NCKAP5L: variants seen among roughly 807,000 people sequenced by gnomAD.
The protein encoded by NCKAP5L is NCK associated protein 5 like, also known as nck-associated protein 5-like.
In NCKAP5L, 54 loss-of-function variants were observed where a neutral mutation model predicts 103.2. The observed-to-expected ratio is 0.52, with a 90% CI of 0.42 to 0.66. NCKAP5L has a LOEUF of 0.66. Among genes scored for constraint, NCKAP5L ranks in the 30% least tolerant of loss-of-function variants. The probability of loss-of-function intolerance (pLI) is 0.00; values close to 1 mark genes in which losing one functional copy is unlikely to be tolerated. For missense variants in NCKAP5L, 1,733 were observed against 1,750.6 expected (o/e 0.99, Z 0.18); for synonymous variants, 762 against 748.6 (o/e 1.02, Z -0.29).
intron 1 of NCKAP5L, among the ~76,000 whole-genome samples, chr12:49,817,626 G>A (rs1946313418): frequency 6.6e-6 from 1 of 152,032 alleles, no homozygotes; most frequent in African/African-American, 2.4e-5. Flanking sequence ...ACAGATACTA[G>A]ATGAATGGTT....
chr12:49,802,919 G>C (rs1946135984), intron 5 of NCKAP5L, 39 bp downstream of exon 5: 1 of 1,597,746 alleles, frequency 6.3e-7, no homozygotes, highest in Admixed American at 1.7e-5. Flanking sequence ...CTCATCTGCT[G>C]TGCCCAGGGC....
chr12:49,819,218 G>C (rs149151908), intron 1 of NCKAP5L, among the ~76,000 whole-genome samples: 3 of 151,808 alleles, frequency 2.0e-5, no homozygotes, highest in African/African-American at 7.3e-5. Context: ...AGGCCGAGGC[G>C]GGAGAATAGC....
At position 49,803,006 on chromosome 12, in the gene NCKAP5L, G is replaced by C. The variant is rs375945044; in HGVS notation, c.193-10C>G. The C allele has an allele frequency of 2.7e-4, 433 of 1,614,248 alleles. 3 individuals are homozygous for C. In the African/African-American group the frequency reaches 5.1e-3, roughly 19 times the overall value. Reference sequence around the variant, plus strand: ...CCACATGGTTGGCAACCTGGGGACAGAAAGCCCCGAGGCAGAGCCATCAGC... The same window carrying C: ...CCACATGGTTGGCAACCTGGGGACACAAAGCCCCGAGGCAGAGCCATCAGC... On this transcript the variant is annotated splice_polypyrimidine_tract_variant and intron_variant, in intron 4 of 12. Transcript: ENST00000335999.
chr12:49,820,757 G>A (rs539307239), intron 1 of NCKAP5L, among the ~76,000 whole-genome samples: 8 of 152,318 alleles, frequency 5.3e-5, no homozygotes, highest in South Asian at 2.1e-4. Flanking sequence ...TCAGCTCTAC[G>A]CTGGGAGGAG....
At position 49,794,971 on chromosome 12, in the gene NCKAP5L, G is replaced by T; in HGVS notation, c.2889C>A (p.Ala963=). Residue 963 remains alanine, a synonymous_variant, in exon 8 of 13, where the codon GCC becomes GCA. Transcript: ENST00000335999. ...EVKMEARKLE[A]ESLNISKLMA... is the part of the protein sequence containing the mutation. ...TCAGCTTGGAGATGTTGAGGCTCTC[G>T]GCCTCCAGCTTCCGGGCTTCCATCT... The T allele has an allele frequency of 1.3e-6, 2 of 1,588,784 alleles. No individual in the cohort carries two copies. Among genetic ancestry groups the T allele is most frequent in the Non-Finnish European group, 8.6e-7 (1 of 1,168,390 alleles).
At position 49,815,151 on chromosome 12, in the gene NCKAP5L, T is replaced by C. The variant is rs149099709; in HGVS notation, c.-98-9110A>G. Among the ~76,000 whole-genome samples the C allele has an allele frequency of 2.6e-5, 4 of 152,358 alleles. No individual in the cohort carries two copies. In the East Asian group the frequency reaches 7.7e-4, roughly 29 times the overall value. ...CCATTATAAAGTCACTATTTTTCCT[T>C]TTGTAATTAAATATTTTTGGGGGCA... is the stretch of plus-strand genomic sequence containing the variant. On this transcript the variant is annotated intron_variant, in intron 1 of 12. Coordinates refer to ENST00000335999, the MANE Select transcript of NCKAP5L (RefSeq NM_001037806.4).
chr12:49,796,060 G>A lies in NCKAP5L; in HGVS notation c.1800C>T (p.Ser600=), dbSNP rs969787600. Residue 600 remains serine, a synonymous_variant, in exon 8 of 13, where the codon AGC becomes AGT. Transcript: ENST00000335999. ...EVPQAPEVLR[S]PGVPPSPCLP... is the part of the protein sequence containing the mutation. ...GGCAAGGACTGGGGGGTACTCCAGG[G>A]CTTCTGAGGACCTCAGGGGCCTGTG... 5.7e-6 allele frequency: 9 copies of A among 1,579,480 alleles called. No individual in the cohort carries two copies. The highest frequency in any genetic ancestry group is 3.7e-5 in the Admixed American group (2 of 53,572).
At chr12:49,814,237 C>A (rs905908074) in intron 1 of NCKAP5L, among the ~76,000 whole-genome samples, 2 of 149,828 alleles carry the variant, frequency 1.3e-5, no homozygotes, top group African/African-American at 2.4e-5. Context: ...GTAACCCCAG[C>A]GCTTTGGGAG....
At position 49,804,096 on chromosome 12, in the gene NCKAP5L, A is replaced by G; in HGVS notation, c.-36-16T>C. 6.3e-7 allele frequency: 1 copy of G among 1,598,912 alleles called. No homozygotes were observed. The highest frequency in any genetic ancestry group is 8.5e-7 in the Non-Finnish European group (1 of 1,177,980). On this transcript the variant is annotated splice_polypyrimidine_tract_variant and intron_variant, in intron 2 of 12. Coordinates refer to ENST00000335999, the MANE Select transcript of NCKAP5L (RefSeq NM_001037806.4). The stretch of plus-strand genomic sequence containing the variant: ...CCCCGGCAGGCTACTCCAGGGAATG[A>G]GGAGGAAGTGAGAAGGAGGAGGACA...
chr12:49,802,595 A>G (rs374024726), intron 5 of NCKAP5L: 80 of 276,846 alleles, frequency 2.9e-4, no homozygotes, highest in African/African-American at 1.7e-3. Flanking sequence ...TATAAGACAG[A>G]GCAAGGCCTT....
chr12:49,810,572 C>T (rs1357616741), intron 1 of NCKAP5L, among the ~76,000 whole-genome samples: 2 of 152,230 alleles, frequency 1.3e-5, no homozygotes, highest in Non-Finnish European at 2.9e-5. Context: ...AAGACACTAT[C>T]TGCCTTTATT....
chr12:49,799,495 T>C (rs1387530722), intron 6 of NCKAP5L, among the ~76,000 whole-genome samples: 1 of 151,978 alleles, frequency 6.6e-6, no homozygotes, highest in Non-Finnish European at 1.5e-5. Flanking sequence ...AAATTTTTTT[T>C]TTGTACAGAT....
At chr12:49,828,158 G>A (rs1805668678) in intron 1 of NCKAP5L, among the ~76,000 whole-genome samples, 164 bp downstream of exon 1, 1 of 152,012 alleles carries the variant, frequency 6.6e-6, no homozygotes, top group Admixed American at 6.5e-5. Flanking sequence ...AGGGAGGGAC[G>A]GAGGGGCGGG....
At chr12:49,802,099 C>A (rs1186861639) in intron 5 of NCKAP5L, 132 bp from the exon 6 acceptor site, 3 of 1,035,196 alleles carry the variant, frequency 2.9e-6, no homozygotes, top group Non-Finnish European at 4.2e-6. Flanking sequence ...TCCGCTGCAA[C>A]CTCCTTCTAT....
Position 49,791,893 on chromosome 12 carries a change from C to A in NCKAP5L, c.3951G>T (p.Glu1317Asp), listed in dbSNP as rs1465792933. 1 of 1,612,386 alleles carries A rather than the reference C, an allele frequency of 6.2e-7. No homozygotes were observed. The highest frequency in any genetic ancestry group is 8.5e-7 in the Non-Finnish European group (1 of 1,179,478). Residue 1317 changes from glutamate (E) to aspartate (D), a missense_variant, in exon 13 of 13, where the codon GAG becomes GAT. Glu to Asp is a conservative substitution (Grantham distance 45, BLOSUM62 2). Transcript: ENST00000335999. ...SGGPPGLETS[E>D]SLSDSLYDSL... ...AGTCGTAGAGTGAGTCACTGAGAGA[C>A]TCCGAGGTCTCCAGCCCTGGGGGGC...
At chr12:49,804,970 T>G (rs1003825715) in intron 2 of NCKAP5L, 1 of 152,266 alleles carries the variant, frequency 6.6e-6, no homozygotes, top group African/African-American at 2.4e-5. Flanking sequence ...AAGTGGGAAG[T>G]GCCCTGCACC....
intron 1 of NCKAP5L, among the ~76,000 whole-genome samples, chr12:49,822,333 G>T (rs911620819): frequency 6.6e-6 from 1 of 152,144 alleles, no homozygotes; most frequent in African/African-American, 2.4e-5. Flanking sequence ...AGAAACAGGA[G>T]AGCCGACATA....
In NCKAP5L at chr12:49,795,785, G is replaced by A. The variant is rs2720299; in HGVS notation, c.2075C>T (p.Thr692Ile). ...EKNGVPARPGTEKTRGPGKSG... is the reference protein window; with the variant it reads ...EKNGVPARPGIEKTRGPGKSG... ...CTTCCCAGGTCCCCGGGTCTTTTCG[G>A]TGCCAGGCCTGGCTGGCACCCCATT... is the stretch of plus-strand genomic sequence containing the variant. Residue 692 changes from threonine (T) to isoleucine (I), a missense_variant, in exon 8 of 13, where the codon ACC becomes ATC. By Grantham distance (89) the Thr-to-Ile change is moderately conservative (BLOSUM62 -1). Coordinates refer to ENST00000335999, the MANE Select transcript of NCKAP5L (RefSeq NM_001037806.4). The A allele has an allele frequency of 3.2e-3, 5,120 of 1,582,720 alleles. 169 individuals carry two copies. In the African/African-American group the frequency reaches 0.06, roughly 19 times the overall value.
At chr12:49,801,685 G>T (rs73309064) in intron 6 of NCKAP5L, among the ~76,000 whole-genome samples, 163 bp downstream of exon 6, 8,223 of 152,170 alleles carry the variant, frequency 0.054, 422 homozygotes, top group African/African-American at 0.14. Flanking sequence ...AGGAGGGAAC[G>T]GCCAAACCCA....
Sources: allele counts gnomAD v4.1 joint callset (sites outside exome capture counted in the v4.1 genomes callset), GRCh38; gene constraint gnomAD v4.1.1; transcripts MANE v1.5; gene names NCBI Gene and HGNC (gene_info 2026-07-23, HGNC 2026-07-21).